Variants in DHRS7 observed in about 807,000 individuals in gnomAD.
The protein encoded by DHRS7 is dehydrogenase/reductase SDR family member 7.
Under a neutral mutation model 38.9 loss-of-function variants are expected in DHRS7, and 34 were observed. That is an observed-to-expected ratio of 0.87 (90% CI 0.66 to 1.16). The LOEUF (loss-of-function observed/expected upper bound fraction) is 1.16, where lower values mean the gene tolerates loss of function less well. Ranked by LOEUF, DHRS7 falls within the 50% of genes most tolerant of loss-of-function variation. The pLI is 0.00. For missense variants in DHRS7, 421 were observed against 407.0 expected (o/e 1.03, Z -0.30); for synonymous variants, 158 against 153.1 (o/e 1.03, Z -0.24).
At chr14:60,168,683 CCT>C (rs1256159708), upstream of DHRS7, 2 of 1,546,510 alleles carry the variant, frequency 1.3e-6, no homozygotes, top group Non-Finnish European at 1.7e-6. Context: ...TTTTTTCTCC[CCT>C]CTCCAGCCAG....
chr14:60,168,807 A>G (rs895259337), upstream of DHRS7: 1 of 1,517,494 alleles, frequency 6.6e-7, no homozygotes, highest in African/African-American at 1.4e-5. Context: ...GCTTGCAAAC[A>G]TGCTGACACT....
chr14:60,145,116 A>G lies in DHRS7; in HGVS notation c.973-103T>C. ...TTGAGGAGCTGTATCATTATGATTC[A>G]CTATTAAGAATCTTTACAAAAGTTC... On this transcript the variant is annotated intron_variant, in intron 6 of 6. Coordinates refer to ENST00000557185, the MANE Select transcript of DHRS7 (RefSeq NM_016029.4). This position sits in a 1 kb window ranked among gnomAD's most constrained non-coding sequence, Gnocchi z 4.0. 2.6e-6 allele frequency: 2 copies of G among 763,540 alleles called. No individual in the cohort carries two copies. Among genetic ancestry groups the G allele is most frequent in the Non-Finnish European group, 4.0e-6 (2 of 503,498 alleles). The allele number at this position is 763,540 out of a possible 1,614,324, so 47.3% of individuals were successfully genotyped here. A position where few individuals can be genotyped will look rare whatever the true frequency, so the allele number is the denominator to read the frequency against.
upstream of DHRS7, chr14:60,168,647 G>A: frequency 6.6e-7 from 1 of 1,515,534 alleles, no homozygotes; most frequent in Non-Finnish European, 8.8e-7. Flanking sequence ...TTCTAAAACT[G>A]ATCAATGCTT....
intron 1 of DHRS7, among the ~76,000 whole-genome samples, chr14:60,158,739 C>G (rs1438788741): frequency 6.6e-6 from 1 of 152,184 alleles, no homozygotes; most frequent in Non-Finnish European, 1.5e-5. Context: ...GTTCAACCCC[C>G]ACTCCAGTTT....
intron 4 of DHRS7, among the ~76,000 whole-genome samples, chr14:60,151,742 GA>G (rs1165164959): frequency 6.6e-6 from 1 of 152,148 alleles, no homozygotes; most frequent in Non-Finnish European, 1.5e-5. Flanking sequence ...GAGAATCTGA[GA>G]AGGAAATGTG....
chr14:60,151,238 G>A (rs1896538135), intron 4 of DHRS7, among the ~76,000 whole-genome samples: 1 of 152,170 alleles, frequency 6.6e-6, no homozygotes, highest in Admixed American at 6.5e-5. Context: ...TGAATGACTT[G>A]TGTAAAACAG....
At chr14:60,157,631 G>A (rs1379237268) in intron 1 of DHRS7, among the ~76,000 whole-genome samples, 2 of 152,180 alleles carry the variant, frequency 1.3e-5, no homozygotes, top group Admixed American at 1.3e-4. Flanking sequence ...GGTTTACAGA[G>A]ATTAATTTGT....
At position 60,149,491 on chromosome 14, in the gene DHRS7, G is replaced by A; in HGVS notation, c.834C>T (p.Ala278=). Residue 278 remains alanine (A), a synonymous_variant, in exon 6 of 7, where the codon GCC becomes GCT. Transcript: ENST00000557185. ...AGATCCAAACTTCTTTCAAATCATT[G>A]GCCATGCTGATTAACATCAGCCGCA... The part of the protein sequence containing the change: ...RCVRLMLISM[A]NDLKEVWISE... The A allele has an allele frequency of 6.2e-7, 1 of 1,613,988 alleles. No homozygotes were observed. Among genetic ancestry groups the A allele is most frequent in the Non-Finnish European group, 8.5e-7 (1 of 1,179,994 alleles).
At chr14:60,165,676 A>T, upstream of DHRS7, 1 of 1,037,208 alleles carries the variant, frequency 9.6e-7, no homozygotes, top group Non-Finnish European at 1.2e-6. The surrounding 1 kb of genome is among the most constrained non-coding windows in gnomAD (Gnocchi z 4.6). Context: ...TACATATTAT[A>T]CTACGTTATT....
chr14:60,150,866 C>T (rs960150775), intron 4 of DHRS7, among the ~76,000 whole-genome samples: 2 of 152,058 alleles, frequency 1.3e-5, no homozygotes, highest in African/African-American at 4.8e-5. Flanking sequence ...AGGGGTCTTC[C>T]CATCAATGAT....
chr14:60,156,401 T>C (rs1486242020), intron 1 of DHRS7, among the ~76,000 whole-genome samples: 1 of 152,068 alleles, frequency 6.6e-6, no homozygotes, highest in Admixed American at 6.5e-5. Context: ...CCTTCATGAC[T>C]TTTCCAGACT....
At chr14:60,166,773 G>A (rs963755762), upstream of DHRS7, among the ~76,000 whole-genome samples, 4 of 152,082 alleles carry the variant, frequency 2.6e-5, no homozygotes, top group Admixed American at 2.6e-4. Flanking sequence ...TATTTTCAGG[G>A]TTAATATAGT....
At chr14:60,155,406 A>AC (rs1896638114) in intron 2 of DHRS7, among the ~76,000 whole-genome samples, 1 of 152,148 alleles carries the variant, frequency 6.6e-6, no homozygotes, top group East Asian at 1.9e-4. Context: ...CCAAGATCAC[A>AC]CCATTGTACT....
At position 60,149,994 on chromosome 14, in the gene DHRS7, T is replaced by C. The variant is rs902076259; in HGVS notation, c.756+71A>G. The C allele has an allele frequency of 8.0e-6, 12 of 1,495,452 alleles. No homozygotes were observed. In the Admixed American group the frequency reaches 1.6e-4, roughly 20 times the overall value. The allele number at this position is 1,495,452 out of a possible 1,614,324, so 92.6% of individuals were successfully genotyped here. A position where few individuals can be genotyped will look rare whatever the true frequency, so the allele number is the denominator to read the frequency against. On this transcript the variant is annotated intron_variant, in intron 5 of 6. Transcript: ENST00000557185. ...AGGCAAAAACTATGATATACAGTGA[T>C]ACAACACCAATATATAATGCCAATA...
intron 2 of DHRS7, among the ~76,000 whole-genome samples, chr14:60,154,446 G>C (rs1896616392): frequency 1.3e-5 from 2 of 152,046 alleles, no homozygotes. Flanking sequence ...ACAACTACTT[G>C]TGCTTAAAAT....
intron 4 of DHRS7, among the ~76,000 whole-genome samples, chr14:60,150,800 A>G (rs1006502445): frequency 9.2e-5 from 14 of 152,246 alleles, no homozygotes; most frequent in Non-Finnish European, 1.0e-4. Context: ...GAGGCAATCT[A>G]GAACAGACAT....
Position 60,153,098 on chromosome 14 carries a change from T to G in DHRS7, c.474A>C (p.Leu158=). ...CCGTCCCTAAGTAGTTAAGCTCTAT[T>G]AGCTTTCTGTAGACATCCAAGCTGG... is the stretch of plus-strand genomic sequence containing the variant. ...MDTSLDVYRK[L]IELNYLGTVS... Residue 158 remains leucine, a synonymous_variant, in exon 4 of 7, where the codon CTA becomes CTC. Coordinates refer to ENST00000557185, the MANE Select transcript of DHRS7 (RefSeq NM_016029.4). The surrounding 1 kb of genome is among the most constrained non-coding windows in gnomAD (Gnocchi z 4.4). 4 of 1,614,200 alleles carry G rather than the reference T, an allele frequency of 2.5e-6. No homozygotes were observed. The highest frequency in any genetic ancestry group is 3.4e-6 in the Non-Finnish European group (4 of 1,180,014).
chr14:60,163,660 TTAATA>T (rs1896807345), intron 1 of DHRS7, among the ~76,000 whole-genome samples: 1 of 152,238 alleles, frequency 6.6e-6, no homozygotes, highest in African/African-American at 2.4e-5. Context: ...TAACTTTTCC[TTAATA>T]TGAGAAAATA....
Position 60,165,041 on chromosome 14 carries a change from G to A in DHRS7, c.133+136C>T. Reference sequence around the variant, plus strand: ...CCCAACCCGCAGCCCCTGCGTAAGGGGCAGCCGGGCCTTCGGGAAGCTCCA... The same window carrying A: ...CCCAACCCGCAGCCCCTGCGTAAGGAGCAGCCGGGCCTTCGGGAAGCTCCA... On this transcript the variant is annotated intron_variant, in intron 1 of 6. Coordinates refer to ENST00000557185, the MANE Select transcript of DHRS7 (RefSeq NM_016029.4). The surrounding 1 kb of genome is among the most constrained non-coding windows in gnomAD (Gnocchi z 4.6). The A allele has an allele frequency of 7.0e-6, 8 of 1,148,604 alleles. No individual in the cohort carries two copies. Among genetic ancestry groups the A allele is most frequent in the Non-Finnish European group, 8.6e-6 (7 of 810,332 alleles). 71.2% of individuals were successfully genotyped at this position (1,148,604 alleles called of 1,614,324 possible). A position where few individuals can be genotyped will look rare whatever the true frequency, so the allele number is the denominator to read the frequency against.
Sources: allele counts gnomAD v4.1 joint callset (sites outside exome capture counted in the v4.1 genomes callset), GRCh38; gene constraint gnomAD v4.1.1; non-coding constraint Gnocchi (gnomAD v3.1); transcripts MANE v1.5; gene names NCBI Gene and HGNC (gene_info 2026-07-23, HGNC 2026-07-21).